The following TENM1 variants were observed in gnomAD, a reference collection of about 807,000 sequenced individuals.
TENM1 encodes teneurin transmembrane protein 1.
Under a neutral mutation model 174.8 loss-of-function variants are expected in TENM1, and 35 were observed. That is an observed-to-expected ratio of 0.20 (90% CI 0.15 to 0.27). The LOEUF is 0.27. Ranked by LOEUF, TENM1 falls within the 10% of genes least tolerant of loss-of-function variation. The pLI, the probability that TENM1 is intolerant of heterozygous loss-of-function variation, is 1.00. For synonymous variants in TENM1, 781 were observed against 798.7 expected, an observed-to-expected ratio of 0.98 and a Z score of 0.37; for missense variants, 1,633 against 2,130.1, an observed-to-expected ratio of 0.77 and a Z score of 4.59.
chrX:125,006,487 C>T, the TENM1 span, among the ~76,000 whole-genome samples: 255 of 111,831 alleles, frequency 2.3e-3, no homozygotes, highest in African/African-American at 8.2e-3. Flanking sequence ...TGCGGCTGAT[C>T]CTGACAAGGG....
At chrX:125,096,027 G>A in the TENM1 span, among the ~76,000 whole-genome samples, 8,467 of 111,669 alleles carry the variant, frequency 0.076, 773 homozygotes, top group African/African-American at 0.26. Flanking sequence ...ATGGGTGATG[G>A]TTTATAGAGT....
At chrX:124,827,846 C>T (rs1002324493) in intron 3 of TENM1, among the ~76,000 whole-genome samples, 1 of 111,895 alleles carries the variant, frequency 8.9e-6, no homozygotes, top group Middle Eastern at 4.6e-3. Context: ...CCTGAGTTAA[C>T]TATTCACAGG....
intron 12 of TENM1, among the ~76,000 whole-genome samples, chrX:124,564,164 A>T (rs1345409853): frequency 9.0e-6 from 1 of 111,542 alleles, no homozygotes. Context: ...AAATCCTCTT[A>T]TGTAAAGGCA....
chrX:125,078,704 T>C, the TENM1 span, among the ~76,000 whole-genome samples: 1 of 111,496 alleles, frequency 9.0e-6, no homozygotes, highest in Non-Finnish European at 1.9e-5. Context: ...ACAGAAATAA[T>C]AAATGCACTG....
intron 20 of TENM1, among the ~76,000 whole-genome samples, chrX:124,494,777 C>A (rs1384542887): frequency 2.8e-5 from 3 of 108,570 alleles, no homozygotes; most frequent in Non-Finnish European, 5.7e-5. Flanking sequence ...GTTTTCTGCT[C>A]TTGCGATAGT....
At chrX:124,483,043 C>A (rs1180039734) in intron 21 of TENM1, among the ~76,000 whole-genome samples, 2 of 112,004 alleles carry the variant, frequency 1.8e-5, no homozygotes, top group Non-Finnish European at 3.8e-5. Context: ...TTCTATAGAT[C>A]GATATGTAGG....
chrX:125,189,941 T>C, the TENM1 span, among the ~76,000 whole-genome samples: 1 of 112,077 alleles, frequency 8.9e-6, no homozygotes, highest in Non-Finnish European at 1.9e-5. Flanking sequence ...TTAATGCTAT[T>C]TCTATTTTCA....
intron 11 of TENM1, among the ~76,000 whole-genome samples, chrX:124,578,587 A>G (rs2049227534): frequency 8.9e-6 from 1 of 112,255 alleles, no homozygotes; most frequent in African/African-American, 3.2e-5. Context: ...CATATATTAC[A>G]TATAGTGCTG....
At chrX:124,845,960 T>C (rs2056598931) in intron 3 of TENM1, among the ~76,000 whole-genome samples, 1 of 110,169 alleles carries the variant, frequency 9.1e-6, no homozygotes, top group Non-Finnish European at 1.9e-5. Context: ...GTAGCCTTCA[T>C]AGAGAATATA....
chrX:124,739,790 C>T (rs1440357174), intron 3 of TENM1, among the ~76,000 whole-genome samples: 1 of 112,267 alleles, frequency 8.9e-6, no homozygotes, highest in Non-Finnish European at 1.9e-5. Flanking sequence ...TCTACTTCTC[C>T]TGTATGCTGT....
rs187460464 is a variant in TENM1, at chrX:124,626,073, G to A, written c.2077+15718C>T. 1.2e-3 allele frequency among the ~76,000 whole-genome samples: 130 copies of A among 110,697 alleles called. 1 individual carries two copies. The highest frequency in any genetic ancestry group is 1.5e-4 in the Non-Finnish European group (8 of 52,911). ...AATTTAAAAAGCCTACCAGAGTGTC[G>A]GTGATCTGAGTGAGAAAAGGCATGT... On this transcript the variant is annotated intron_variant, in intron 11 of 31. Coordinates refer to ENST00000422452, the Ensembl canonical transcript of TENM1.
intron 1 of TENM1, among the ~76,000 whole-genome samples, chrX:124,904,812 A>G (rs1326229919): frequency 3.6e-5 from 4 of 110,694 alleles, no homozygotes; most frequent in Non-Finnish European, 5.7e-5. Context: ...AATTTTACTG[A>G]AACTAGTCAC....
At chrX:124,950,883 C>T (rs999164151) in intron 1 of TENM1, among the ~76,000 whole-genome samples, 3 of 111,366 alleles carry the variant, frequency 2.7e-5, no homozygotes, top group South Asian at 3.8e-4. Context: ...TAAAAGTGCA[C>T]GTGTTTTACC....
At chrX:125,059,687 T>G in the TENM1 span, among the ~76,000 whole-genome samples, 1 of 111,560 alleles carries the variant, frequency 9.0e-6, no homozygotes, top group South Asian at 3.8e-4. Context: ...ATTCCACATA[T>G]ATAAGTGAGA....
At position 124,827,309 on chromosome X, in the gene TENM1, A is replaced by G. The variant is rs781416099; in HGVS notation, c.535+66987T>C. ...CATGATCTGCCCGCCTCGGCTTCCC[A>G]AAGTGCTGGGATTACAGGCATGAGT... On this transcript the variant is annotated intron_variant, in intron 3 of 31. Coordinates refer to ENST00000422452, the Ensembl canonical transcript of TENM1. Among the ~76,000 whole-genome samples the G allele has an allele frequency of 2.7e-5, 3 of 111,878 alleles. No homozygotes were observed. In the South Asian group the frequency reaches 1.1e-3, roughly 42 times the overall value.
chrX:124,919,173 C>T (rs1394565887), intron 1 of TENM1, among the ~76,000 whole-genome samples: 1 of 112,188 alleles, frequency 8.9e-6, no homozygotes, highest in Admixed American at 9.5e-5. Flanking sequence ...TCATTGAATG[C>T]CTTATAGTGG....
At chrX:124,806,715 G>T (rs939701687) in intron 3 of TENM1, among the ~76,000 whole-genome samples, 1 of 111,742 alleles carries the variant, frequency 8.9e-6, no homozygotes, top group Non-Finnish European at 1.9e-5. Context: ...AATTTAATTA[G>T]CTCATGGTTT....
chrX:124,387,615 C>A (rs979686629), intron 28 of TENM1, among the ~76,000 whole-genome samples: 15 of 112,192 alleles, frequency 1.3e-4, no homozygotes, highest in Non-Finnish European at 9.4e-5. Context: ...ACATTTATAT[C>A]TTCTAAATAT....
At chrX:124,708,676 CAAA>C (rs894937876) in intron 4 of TENM1, among the ~76,000 whole-genome samples, 2 of 109,904 alleles carry the variant, frequency 1.8e-5, no homozygotes, top group Admixed American at 9.7e-5. Context: ...TATTACCAAG[CAAA>C]AAAAGGCAGG....
Sources: allele counts gnomAD v4.1 joint callset (sites outside exome capture counted in the v4.1 genomes callset), GRCh38; gene constraint gnomAD v4.1.1; transcripts MANE v1.5; gene names NCBI Gene and HGNC (gene_info 2026-07-23, HGNC 2026-07-21).